The following TAPT1 variants were observed in gnomAD, a reference collection of about 807,000 sequenced individuals.
The protein encoded by TAPT1 is transmembrane anterior posterior transformation 1.
Under a neutral mutation model 65.6 loss-of-function variants are expected in TAPT1, and 28 were observed. The ratio of observed to expected loss-of-function variants is 0.43; its 90% confidence interval spans 0.32 to 0.59. The LOEUF (loss-of-function observed/expected upper bound fraction) is 0.59. Ranked by LOEUF, TAPT1 falls within the 20% of genes least tolerant of loss-of-function variation. The pLI is 0.09. For missense variants in TAPT1, 563 were observed against 679.9 expected, an observed-to-expected ratio of 0.83 and a Z score of 1.91; for synonymous variants, 278 against 245.2, an observed-to-expected ratio of 1.13 and a Z score of -1.25.
intron 8 of TAPT1, chr4:16,176,807 T>A (rs576771578): frequency 5.2e-5 from 8 of 152,384 alleles, no homozygotes; most frequent in African/African-American, 1.9e-4. Flanking sequence ...TCACGAAGCC[T>A]ACGTGCTGAC....
chr4:16,178,441 G>C (rs956218523), intron 8 of TAPT1, among the ~76,000 whole-genome samples: 3 of 152,188 alleles, frequency 2.0e-5, no homozygotes, highest in African/African-American at 7.2e-5. Flanking sequence ...AATACTGGGA[G>C]TAATAAATGA....
chr4:16,184,553 A>C (rs556651413), intron 7 of TAPT1, among the ~76,000 whole-genome samples: 4 of 152,336 alleles, frequency 2.6e-5, no homozygotes, highest in African/African-American at 9.6e-5. Flanking sequence ...AGAAATGGCC[A>C]AAAACAGCAG....
chr4:16,166,640 G>C lies in TAPT1; in HGVS notation c.1467C>G (p.Pro489=), dbSNP rs756447340. ...GAAAGGGACCAAACCTACCTTGAGA[G>C]GGTTTACATTTGTTCTGTGATTTAC... ...PSSKSQNKCK[P]SQGLSTEENL... Residue 489 remains proline (P), a synonymous_variant, in exon 13 of 14, where the codon CCC becomes CCG. Coordinates refer to ENST00000405303, the MANE Select transcript of TAPT1 (RefSeq NM_153365.3). 1.9e-6 allele frequency: 3 copies of C among 1,613,806 alleles called. No individual in the cohort carries two copies. Among genetic ancestry groups the C allele is most frequent in the African/African-American group, 1.3e-5 (1 of 74,952 alleles).
intron 3 of TAPT1, among the ~76,000 whole-genome samples, chr4:16,193,013 T>C (rs972057968): frequency 1.3e-5 from 2 of 152,270 alleles, no homozygotes; most frequent in African/African-American, 4.8e-5. Flanking sequence ...CATTGCTTTA[T>C]AAGGTCACAA....
chr4:16,162,852 G>T lies in TAPT1; in HGVS notation c.*456C>A. On this transcript the variant is annotated 3_prime_UTR_variant, in exon 14 of 14. Transcript: ENST00000405303. ...TATGTTTAATTTTTTTAATGCTTTG[G>T]CAGATGAAGTAACGTTTGAAAACTG... The T allele has an allele frequency of 5.8e-6, 2 of 342,090 alleles. No homozygotes were observed. The highest frequency in any genetic ancestry group is 2.2e-5 in the South Asian group (1 of 45,206). 21.2% of individuals were successfully genotyped at this position (342,090 alleles called of 1,614,324 possible). A position where few individuals can be genotyped will look rare whatever the true frequency, so the allele number is the denominator to read the frequency against.
intron 12 of TAPT1, among the ~76,000 whole-genome samples, chr4:16,167,869 AC>A (rs759793742): frequency 3.3e-5 from 5 of 151,846 alleles, no homozygotes; most frequent in Non-Finnish European, 7.4e-5. Context: ...GCCCCAAACA[AC>A]TCCTATTTCT....
At chr4:16,185,801 C>T (rs1206929574) in intron 7 of TAPT1, among the ~76,000 whole-genome samples, 2 of 152,192 alleles carry the variant, frequency 1.3e-5, no homozygotes, top group African/African-American at 4.8e-5. Flanking sequence ...ACCCCTCCTT[C>T]CTCAAGGACA....
chr4:16,180,303 G>A (rs1413337641), intron 7 of TAPT1, among the ~76,000 whole-genome samples: 2 of 152,170 alleles, frequency 1.3e-5, no homozygotes, highest in Non-Finnish European at 2.9e-5. Flanking sequence ...AAAGGCCAGT[G>A]TACACATTTC....
intron 3 of TAPT1, among the ~76,000 whole-genome samples, chr4:16,194,664 T>A (rs573905385): frequency 3.9e-5 from 6 of 152,280 alleles, no homozygotes; most frequent in Admixed American, 3.3e-4. Context: ...AAAACTGGAC[T>A]ATTATGATAT....
intron 12 of TAPT1, among the ~76,000 whole-genome samples, chr4:16,168,424 C>T (rs1042577503): frequency 3.3e-5 from 5 of 152,308 alleles, no homozygotes; most frequent in Admixed American, 2.6e-4. Flanking sequence ...CAGCTCCTTT[C>T]GTAGTCTCCC....
At chr4:16,215,015 G>A (rs917953674) in intron 1 of TAPT1, among the ~76,000 whole-genome samples, 5 of 152,152 alleles carry the variant, frequency 3.3e-5, no homozygotes, top group Admixed American at 3.3e-4. Flanking sequence ...TCCTTGGCCA[G>A]GCACGGTGGC....
upstream of TAPT1, chr4:16,226,581 G>A: frequency 3.2e-6 from 2 of 631,968 alleles, no homozygotes; most frequent in Non-Finnish European, 2.0e-6. Context: ...CGCCATCCGC[G>A]GCCCGCCGAC....
In TAPT1 at chr4:16,191,520, G is replaced by A. The variant is rs1294158726; in HGVS notation, c.453C>T (p.Asp151=). 1.9e-6 allele frequency: 3 copies of A among 1,555,506 alleles called. No homozygotes were observed. The highest frequency in any genetic ancestry group is 2.4e-5 in the South Asian group (2 of 84,270). ...LLTLPCYGLR[D]RRLLQPAQVC... is the part of the protein sequence containing the mutation. ...CCTGGGCAGGCTGAAGCAAACGTCT[G>A]TCCCTGAAACATACAAGAAGTAATA... The change falls in exon 4 of 14, where the codon GAC becomes GAT. Residue 151 remains aspartate (D), a synonymous_variant. Transcript: ENST00000405303.
At chr4:16,209,362 G>C (rs1750529398) in intron 2 of TAPT1, among the ~76,000 whole-genome samples, 1 of 152,164 alleles carries the variant, frequency 6.6e-6, no homozygotes, top group Non-Finnish European at 1.5e-5. Flanking sequence ...CTAGGTGTGA[G>C]TCTTATCTCT....
chr4:16,182,644 C>T (rs1748775340), intron 7 of TAPT1, among the ~76,000 whole-genome samples: 1 of 152,190 alleles, frequency 6.6e-6, no homozygotes, highest in Admixed American at 6.5e-5. Context: ...TCCAGACAAC[C>T]TAACTCCTGA....
chr4:16,202,747 G>A (rs1374080078), intron 2 of TAPT1, among the ~76,000 whole-genome samples, 167 bp from the exon 3 acceptor site: 2 of 152,186 alleles, frequency 1.3e-5, no homozygotes, highest in Non-Finnish European at 2.9e-5. Context: ...GTGAGTCTGT[G>A]CTTCCTCAGA....
At chr4:16,172,473 C>G (rs1204076108) in intron 11 of TAPT1, among the ~76,000 whole-genome samples, 1 of 152,094 alleles carries the variant, frequency 6.6e-6, no homozygotes, top group East Asian at 1.9e-4. Context: ...ATCTCTTAAG[C>G]CTTTAACAAA....
chr4:16,176,043 C>T (rs1025692091), intron 9 of TAPT1, 76 bp downstream of exon 9: 2 of 661,584 alleles, frequency 3.0e-6, no homozygotes, highest in Non-Finnish European at 4.9e-6. Context: ...TAACAAACTC[C>T]TATTATTCTA....
intron 3 of TAPT1, among the ~76,000 whole-genome samples, chr4:16,200,801 T>C (rs1749984035): frequency 1.3e-5 from 2 of 152,228 alleles, no homozygotes; most frequent in Admixed American, 1.3e-4. Context: ...CCAGGAGTGA[T>C]AAAAGAAAAT....
Sources: gnomAD v4.1 joint callset for allele counts (sites outside exome capture counted in the v4.1 genomes callset) on GRCh38, gnomAD v4.1.1 for gene constraint, MANE v1.5 for transcripts, NCBI Gene and HGNC (gene_info 2026-07-23, HGNC 2026-07-21) for gene names.